TBC1D9: variants seen among roughly 807,000 people sequenced by gnomAD.
TBC1D9 encodes TBC1 domain family member 9.
A neutral mutation model predicts 132.0 loss-of-function variants in TBC1D9; 63 were observed. That is an observed-to-expected ratio of 0.48 (90% CI 0.39 to 0.59). The LOEUF is 0.59. Among genes scored for constraint, TBC1D9 ranks in the 20% least tolerant of loss-of-function variants. The probability of loss-of-function intolerance (pLI) is 0.00; values close to 1 mark genes in which losing one functional copy is unlikely to be tolerated. For missense variants in TBC1D9, 1,261 were observed against 1,592.7 expected, an observed-to-expected ratio of 0.79 and a Z score of 3.54; for synonymous variants, 610 against 609.9, an observed-to-expected ratio of 1.00 and a Z score of 0.00.
intron 1 of TBC1D9, among the ~76,000 whole-genome samples, chr4:140,716,603 C>T (rs189274790): frequency 4.7e-4 from 72 of 152,178 alleles, no homozygotes; most frequent in African/African-American, 1.6e-3. Flanking sequence ...AAAGTCATTT[C>T]CAGGAAACCA....
intron 11 of TBC1D9, among the ~76,000 whole-genome samples, chr4:140,659,264 A>T (rs1470066885): frequency 6.6e-6 from 1 of 152,042 alleles, no homozygotes; most frequent in Non-Finnish European, 1.5e-5. Context: ...CATCCTCTTT[A>T]TTAATTTTTT....
chr4:140,725,633 C>G (rs2111062261), intron 1 of TBC1D9, among the ~76,000 whole-genome samples: 1 of 152,206 alleles, frequency 6.6e-6, no homozygotes, highest in East Asian at 1.9e-4. Flanking sequence ...AATAAGTTCC[C>G]TCTAGTAAAA....
At position 140,662,064 on chromosome 4, in the gene TBC1D9, G is replaced by T; in HGVS notation, c.1632C>A (p.Asp544Glu). 6.2e-7 allele frequency: 1 copy of T among 1,613,870 alleles called. No individual in the cohort carries two copies. Among genetic ancestry groups the T allele is most frequent in the Non-Finnish European group, 8.5e-7 (1 of 1,179,860 alleles). ...ACTTCCCCATGGACTTCTCCACTAG[G>T]TCTTCATAGTACCCAGGATGTGTGG... ...EKATHPGYYE[D>E]LVEKSMGKYN... Residue 544 changes from aspartate to glutamate, a missense_variant, in exon 10 of 21, where the codon GAC becomes GAA. By Grantham distance (45) the Asp-to-Glu change is conservative. Around this residue, in one of 3 missense-constraint regions of TBC1D9, gnomAD observed 550 missense variants for 699.0 expected, o/e 0.79. Transcript: ENST00000442267.
At chr4:140,640,733 G>A (rs958601637) in intron 13 of TBC1D9, among the ~76,000 whole-genome samples, 1 of 152,094 alleles carries the variant, frequency 6.6e-6, no homozygotes, top group African/African-American at 2.4e-5. Flanking sequence ...TCGAGTGTTG[G>A]TAAAGATATA....
At chr4:140,743,108 A>G (rs1271514625) in intron 1 of TBC1D9, among the ~76,000 whole-genome samples, 4 of 152,194 alleles carry the variant, frequency 2.6e-5, no homozygotes, top group Non-Finnish European at 5.9e-5. Context: ...ATCAAAAATT[A>G]TCTTCTCCAA....
At chr4:140,713,790 A>G (rs1738287475) in intron 1 of TBC1D9, among the ~76,000 whole-genome samples, 2 of 152,106 alleles carry the variant, frequency 1.3e-5, no homozygotes. Flanking sequence ...TTTCTATACT[A>G]TTGGAACTAT....
chr4:140,753,667 T>C (rs951113066), intron 1 of TBC1D9, among the ~76,000 whole-genome samples: 1 of 152,212 alleles, frequency 6.6e-6, no homozygotes, highest in South Asian at 2.1e-4. Flanking sequence ...CTCTCTTCAT[T>C]TGGATTCTGT....
At chr4:140,694,572 A>G (rs1310204620) in intron 2 of TBC1D9, among the ~76,000 whole-genome samples, 1 of 64,356 alleles carries the variant, frequency 1.6e-5, no homozygotes, top group African/African-American at 5.5e-5. Flanking sequence ...CCCTGTCTCA[A>G]AAAAAAAAAA....
At position 140,622,218 on chromosome 4, in the gene TBC1D9, C is replaced by A; in HGVS notation, c.3778G>T (p.Glu1260Ter). The stretch of plus-strand genomic sequence containing the variant: ...TGTCAGCCGGACATGGCCGAGATTT[C>A]ATAGTCACTGGCCGAGGTGAGGGGC... ...GKPLTSASDYEISAMSG is the reference protein window; with the variant it reads ...GKPLTSASDY Residue 1260 changes from glutamate to a stop codon, truncating the protein, a stop_gained, in exon 21 of 21, where the codon GAA (glutamate) becomes TAA (stop). Transcript: ENST00000442267. LOFTEE classifies it high-confidence loss of function. The A allele has an allele frequency of 6.3e-7, 1 of 1,586,878 alleles. No homozygotes were observed. The highest frequency in any genetic ancestry group is 8.6e-7 in the Non-Finnish European group (1 of 1,158,048).
chr4:140,689,745 T>C (rs1436886329), intron 2 of TBC1D9, among the ~76,000 whole-genome samples: 8 of 82,784 alleles, frequency 9.7e-5, no homozygotes, highest in Admixed American at 2.9e-4. Flanking sequence ...CTTCCCTTCC[T>C]CCCACCCCTT....
rs1332231946 is a variant in TBC1D9 at position 140,755,967 on chromosome 4, G to T, written c.79C>A (p.Gln27Lys). Residue 27 changes from glutamine to lysine, a missense_variant, in exon 1 of 21, where the codon CAG (glutamine) becomes AAG (lysine). This residue lies in a region of TBC1D9 where 550 missense variants were observed against 699.0 expected (regional missense o/e 0.79). Coordinates refer to ENST00000442267, the MANE Select transcript of TBC1D9 (RefSeq NM_015130.3). Reference protein sequence around the residue: ...TERANPYFILQRRKGHAGDGG... With the variant: ...TERANPYFILKRRKGHAGDGG... Reference sequence around the variant, plus strand: ...TCGCCGGCGTGGCCCTTCCTCCGCTGCAGGATGAAGTATGGGTTGGCCCTC... The same window carrying T: ...TCGCCGGCGTGGCCCTTCCTCCGCTTCAGGATGAAGTATGGGTTGGCCCTC... 6.2e-7 allele frequency: 1 copy of T among 1,605,334 alleles called. No individual in the cohort carries two copies. Among genetic ancestry groups the T allele is most frequent in the Non-Finnish European group, 8.5e-7 (1 of 1,176,520 alleles).
rs190094491 is a variant in TBC1D9 at position 140,750,324 on chromosome 4, A to C, written c.130+5592T>G. Among the ~76,000 whole-genome samples the C allele has an allele frequency of 4.7e-4, 71 of 152,174 alleles. No homozygotes were observed. The East Asian group carries it at 0.013, about 28-fold the overall frequency. Reference sequence around the variant, plus strand: ...CAAGAAAGGCAAAGACAATTTTTAAAAGCATAAGAATTAAAAAAGAAATAA... The same window carrying C: ...CAAGAAAGGCAAAGACAATTTTTAACAGCATAAGAATTAAAAAAGAAATAA... On this transcript the variant is annotated intron_variant, in intron 1 of 20. Coordinates refer to ENST00000442267, the MANE Select transcript of TBC1D9 (RefSeq NM_015130.3).
chr4:140,648,083 A>G (rs936690072), intron 13 of TBC1D9, among the ~76,000 whole-genome samples: 2 of 152,174 alleles, frequency 1.3e-5, no homozygotes, highest in Non-Finnish European at 2.9e-5. Context: ...CAGGCACCAC[A>G]TATTCCAGTT....
chr4:140,704,268 G>A (rs940607470), intron 1 of TBC1D9, among the ~76,000 whole-genome samples: 11 of 151,954 alleles, frequency 7.2e-5, no homozygotes, highest in Admixed American at 7.2e-4. Flanking sequence ...AGGCACAATG[G>A]TGTGCACCTG....
At chr4:140,649,320 T>C (rs1737150446) in intron 13 of TBC1D9, among the ~76,000 whole-genome samples, 1 of 152,162 alleles carries the variant, frequency 6.6e-6, no homozygotes, top group Non-Finnish European at 1.5e-5. Flanking sequence ...TAAAACTAGG[T>C]CATCAAATTA....
At chr4:140,644,775 G>A (rs1229621600) in intron 13 of TBC1D9, 7 of 400,004 alleles carry the variant, frequency 1.7e-5, no homozygotes, top group East Asian at 6.6e-5. Flanking sequence ...AGTACAGGGC[G>A]GGGCAAAGGG....
At chr4:140,748,752 C>G (rs1028470094) in intron 1 of TBC1D9, among the ~76,000 whole-genome samples, 2 of 152,138 alleles carry the variant, frequency 1.3e-5, no homozygotes, top group Non-Finnish European at 1.5e-5. Context: ...TGGAGACAAA[C>G]AAAAACTGAG....
chr4:140,645,491 T>G (rs1010661254), intron 13 of TBC1D9: 1 of 382,342 alleles, frequency 2.6e-6, no homozygotes, highest in Non-Finnish European at 5.1e-6. Context: ...TCTCCACTTT[T>G]AACTACCCCT....
At chr4:140,645,418 C>T (rs931427905) in intron 13 of TBC1D9, 7 of 448,428 alleles carry the variant, frequency 1.6e-5, no homozygotes, top group Non-Finnish European at 2.7e-5. Context: ...CATCCAAATG[C>T]CTTGGCACTC....
Sources: allele counts gnomAD v4.1 joint callset (sites outside exome capture counted in the v4.1 genomes callset), GRCh38; gene constraint gnomAD v4.1.1; regional missense constraint gnomAD v4.1.1; transcripts MANE v1.5; gene names NCBI Gene and HGNC (gene_info 2026-07-23, HGNC 2026-07-21).